Variants in BNC2 observed in about 807,000 individuals in gnomAD.
The protein encoded by BNC2 is zinc finger protein basonuclin-2.
BNC2 carries 20 observed loss-of-function variants against 76.3 expected under a neutral mutation model. The ratio of observed to expected loss-of-function variants is 0.26; its 90% CI spans 0.18 to 0.38. The LOEUF is 0.38. Among genes scored for constraint, BNC2 ranks in the 10% least tolerant of loss-of-function variants. The pLI is 1.00. For synonymous variants in BNC2, 582 were observed against 514.8 expected (o/e 1.13, Z -1.77); for missense variants, 1,382 against 1,399.8 (o/e 0.99, Z 0.20).
chr9:16,479,756 G>A (rs1460966409), intron 5 of BNC2, among the ~76,000 whole-genome samples: 1 of 149,446 alleles, frequency 6.7e-6, no homozygotes, highest in East Asian at 2.0e-4. Flanking sequence ...AATTTTGCTT[G>A]CATTTAAGAT....
intron 3 of BNC2, among the ~76,000 whole-genome samples, chr9:16,716,637 A>G (rs1306810654): frequency 1.3e-5 from 2 of 152,202 alleles, no homozygotes; most frequent in African/African-American, 4.8e-5. Context: ...AAAACAGGCT[A>G]TCTCTGACGT....
intron 1 of BNC2, among the ~76,000 whole-genome samples, chr9:16,814,641 T>C (rs945382929): frequency 6.6e-6 from 1 of 152,152 alleles, no homozygotes; most frequent in Non-Finnish European, 1.5e-5. Context: ...CACCACTAAA[T>C]GGCAATGTTT....
intron 3 of BNC2, among the ~76,000 whole-genome samples, chr9:16,659,985 T>C (rs1284488435): frequency 1.3e-5 from 2 of 152,258 alleles, no homozygotes; most frequent in African/African-American, 4.8e-5. Context: ...TATGTTCAGT[T>C]AATATCTGTA....
intron 5 of BNC2, among the ~76,000 whole-genome samples, chr9:16,505,750 T>C (rs980975915): frequency 4.6e-5 from 7 of 152,266 alleles, no homozygotes; most frequent in African/African-American, 1.7e-4. Context: ...CATCCATTAA[T>C]CACAGTGCTA....
chr9:16,609,363 T>C (rs1413822054), intron 3 of BNC2, among the ~76,000 whole-genome samples: 1 of 152,040 alleles, frequency 6.6e-6, no homozygotes, highest in African/African-American at 2.4e-5. Flanking sequence ...TGTTATGATA[T>C]GAAGAGAAGG....
chr9:16,428,713 A>T (rs760125398), intron 6 of BNC2, among the ~76,000 whole-genome samples: 1 of 152,150 alleles, frequency 6.6e-6, no homozygotes, highest in Non-Finnish European at 1.5e-5. Context: ...GCAAGCAACA[A>T]AAAGAATTAA....
intron 5 of BNC2, among the ~76,000 whole-genome samples, chr9:16,469,819 G>C (rs948089554): frequency 2.0e-5 from 3 of 152,030 alleles, no homozygotes; most frequent in Non-Finnish European, 2.9e-5. Context: ...AACTTGAAGG[G>C]AACTGGAGCA....
intron 5 of BNC2, among the ~76,000 whole-genome samples, chr9:16,527,424 G>C (rs1817839898): frequency 6.6e-6 from 1 of 152,140 alleles, no homozygotes; most frequent in Admixed American, 6.6e-5. Flanking sequence ...GTCTAAATGG[G>C]AGTCTTATCA....
rs116625498 is a variant in BNC2, at chr9:16,501,943, T to G, written c.669+50587A>C. Among the ~76,000 whole-genome samples the G allele has an allele frequency of 2.6e-3, 392 of 152,348 alleles. 3 individuals are homozygous for G. Among genetic ancestry groups the G allele is most frequent in the African/African-American group, 8.8e-3 (365 of 41,584 alleles). On this transcript the variant is annotated intron_variant, in intron 5 of 6. Coordinates refer to ENST00000380672, the MANE Select transcript of BNC2 (RefSeq NM_017637.6). Reference sequence around the variant, plus strand: ...TAAGCCTGGGGAATACCAAGACACTTTGCCATTTTCTTGCATATTTAAAAT... The same window carrying G: ...TAAGCCTGGGGAATACCAAGACACTGTGCCATTTTCTTGCATATTTAAAAT...
rs1401256569 is a variant in BNC2 at position 16,508,885 on chromosome 9, C to CA, written c.669+43644dup. On this transcript the variant is annotated intron_variant, in intron 5 of 6. Transcript: ENST00000380672. ...TCACCGAGGCTGGGGTGCAGTGGCA[C>CA]AATTAGCTCATTGTAACCTCGAACT... Among the ~76,000 whole-genome samples the CA allele has an allele frequency of 3.3e-5, 5 of 150,828 alleles. 1 individual carries two copies. Among genetic ancestry groups the CA allele is most frequent in the African/African-American group, 1.2e-4 (5 of 41,056 alleles).
intron 3 of BNC2, among the ~76,000 whole-genome samples, chr9:16,662,462 G>A (rs552200976): frequency 7.9e-5 from 12 of 152,196 alleles, no homozygotes; most frequent in African/African-American, 1.4e-4. Context: ...CGGGCTGAGC[G>A]TAGTGGCTCA....
intron 5 of BNC2, among the ~76,000 whole-genome samples, chr9:16,522,685 C>T (rs1408066331): frequency 6.6e-6 from 1 of 152,112 alleles, no homozygotes; most frequent in Non-Finnish European, 1.5e-5. Flanking sequence ...CGATAAAGCA[C>T]AACACTTATT....
chr9:16,669,787 T>C (rs1445932549), intron 3 of BNC2, among the ~76,000 whole-genome samples: 2 of 152,158 alleles, frequency 1.3e-5, no homozygotes, highest in Non-Finnish European at 2.9e-5. Context: ...AGAAATCAGA[T>C]ACCACGGAAA....
chr9:16,823,759 C>T (rs929890593), intron 1 of BNC2, among the ~76,000 whole-genome samples: 7 of 152,084 alleles, frequency 4.6e-5, no homozygotes, highest in African/African-American at 1.4e-4. Context: ...TTTGACTACC[C>T]AGAAAGCAGA....
intron 3 of BNC2, chr9:16,699,117 T>TTTTGTA (rs1823433043): frequency 2.2e-6 from 1 of 448,286 alleles, no homozygotes; most frequent in African/African-American, 2.1e-5. Context: ...GCTGTTCTGT[T>TTTTGTA]TTTGTTTTTG....
chr9:16,612,738 A>T (rs1820584713), intron 3 of BNC2, among the ~76,000 whole-genome samples: 1 of 152,192 alleles, frequency 6.6e-6, no homozygotes, highest in South Asian at 2.1e-4. Context: ...CATAAACAAA[A>T]TGCTTTAGGG....
At chr9:16,492,927 A>T (rs1210231677) in intron 5 of BNC2, among the ~76,000 whole-genome samples, 2 of 152,130 alleles carry the variant, frequency 1.3e-5, no homozygotes, top group East Asian at 3.8e-4. Context: ...GGCATCACTA[A>T]GATGAAATTC....
chr9:16,556,594 C>A (rs982892519), intron 4 of BNC2, among the ~76,000 whole-genome samples: 1 of 151,628 alleles, frequency 6.6e-6, no homozygotes, highest in Non-Finnish European at 1.5e-5. Flanking sequence ...ATGGTGAAAC[C>A]CTGTTTCTAC....
chr9:16,669,422 A>G (rs1165396992), intron 3 of BNC2, among the ~76,000 whole-genome samples: 1 of 152,248 alleles, frequency 6.6e-6, no homozygotes, highest in East Asian at 1.9e-4. Flanking sequence ...AGAAAGTTCT[A>G]GCAGAGTAAA....
Sources: allele counts gnomAD v4.1 joint callset (sites outside exome capture counted in the v4.1 genomes callset), GRCh38; gene constraint gnomAD v4.1.1; transcripts MANE v1.5; gene names NCBI Gene and HGNC (gene_info 2026-07-23, HGNC 2026-07-21).